The following MRE11 variants were observed in gnomAD, a reference collection of about 807,000 sequenced individuals.
MRE11 encodes the protein MRE11 double strand break repair nuclease, also known as double-strand break repair protein MRE11.
Under a neutral mutation model 91.7 loss-of-function variants are expected in MRE11, and 62 were observed. That is an observed-to-expected ratio of 0.68 (90% CI 0.55 to 0.84). The LOEUF (loss-of-function observed/expected upper bound fraction) is 0.84. MRE11 is among the 40% of genes least tolerant of loss of function. The pLI, the probability that MRE11 is intolerant of heterozygous loss-of-function variation, is 0.00. For missense variants in MRE11, 796 were observed against 852.9 expected, an observed-to-expected ratio of 0.93 and a Z score of 0.83; for synonymous variants, 273 against 271.4, an observed-to-expected ratio of 1.01 and a Z score of -0.06.
At chr11:94,455,311 A>T (rs1246468992) in intron 14 of MRE11, among the ~76,000 whole-genome samples, 1 of 152,098 alleles carries the variant, frequency 6.6e-6, no homozygotes, top group Non-Finnish European at 1.5e-5. Context: ...CCTTACACAA[A>T]TGTCTCTTAT....
intron 1 of MRE11, chr11:94,493,567 A>C (rs1947351504): frequency 6.6e-6 from 1 of 151,982 alleles, no homozygotes; most frequent in Non-Finnish European, 1.5e-5. Context: ...CAGAACGCTG[A>C]GCCCGCCAGG....
chr11:94,457,163 CA>C (rs1193898555), intron 13 of MRE11, among the ~76,000 whole-genome samples: 2 of 152,136 alleles, frequency 1.3e-5, no homozygotes. Context: ...AGGAAGATAA[CA>C]AGAGTCTGGT....
rs1405978120 is a variant in MRE11, at chr11:94,419,955, G to A, written c.*170C>T. ...ACAAAGCTCTTACTACAACAACCAG[G>A]TTAAAAAAACAAGGTGAATCAATGC... On this transcript the variant is annotated 3_prime_UTR_variant, in exon 20 of 20. Transcript: ENST00000323929. 1.4e-4 allele frequency: 69 copies of A among 509,964 alleles called. No homozygotes were observed. In the East Asian group the frequency reaches 2.1e-3, roughly 16 times the overall value. 31.6% of individuals were successfully genotyped at this position (509,964 alleles called of 1,614,324 possible).
chr11:94,499,717 C>G, the MRE11 span: 1 of 151,866 alleles, frequency 6.6e-6, no homozygotes, highest in Non-Finnish European at 1.5e-5. Context: ...ATCTAGCCCC[C>G]CTGTGATTGT....
At chr11:94,472,350 G>A (rs117715633) in intron 7 of MRE11, among the ~76,000 whole-genome samples, 72 of 152,172 alleles carry the variant, frequency 4.7e-4, no homozygotes, top group Non-Finnish European at 9.1e-4. Context: ...AGAAGGAATA[G>A]TTTTCCCTAA....
At chr11:94,436,534 T>C (rs1565206062) in intron 17 of MRE11, among the ~76,000 whole-genome samples, 2 of 152,188 alleles carry the variant, frequency 1.3e-5, no homozygotes, top group South Asian at 2.1e-4. Context: ...CTACAATGCA[T>C]AGGACAACCC....
intron 7 of MRE11, 22 bp from the exon 8 acceptor site, chr11:94,471,781 T>G (rs772088236): frequency 2.7e-5 from 43 of 1,585,552 alleles, no homozygotes; most frequent in Middle Eastern, 3.5e-4. Flanking sequence ...TTTTGAAAAA[T>G]ATAAATTCGG....
At chr11:94,449,515 G>A (rs542614902) in intron 14 of MRE11, among the ~76,000 whole-genome samples, 32 of 152,318 alleles carry the variant, frequency 2.1e-4, no homozygotes, top group African/African-American at 6.3e-4. Flanking sequence ...TGAATTGCCT[G>A]ACACACATAT....
intron 9 of MRE11, among the ~76,000 whole-genome samples, chr11:94,469,108 C>T (rs1200981142): frequency 6.6e-6 from 1 of 151,926 alleles, no homozygotes; most frequent in African/African-American, 2.4e-5. Context: ...GTTATGTGCA[C>T]ACCTGGTGTT....
At chr11:94,466,411 C>T (rs1011360107) in intron 10 of MRE11, 10 of 489,184 alleles carry the variant, frequency 2.0e-5, no homozygotes, top group African/African-American at 9.9e-5. Context: ...ACTATGCCAG[C>T]GACAGTGGGA....
At position 94,485,489 on chromosome 11, in the gene MRE11, A is replaced by G. The variant is rs202080976; in HGVS notation, c.314+435T>C. ...ATTAGAATATATAAGTAACTTCTGC[A>G]ATTCAGGTAGAAAAACAAACAAAAA... On this transcript the variant is annotated intron_variant, in intron 4 of 19. Transcript: ENST00000323929. Among the ~76,000 whole-genome samples, 400 of 150,010 alleles carry G rather than the reference A, an allele frequency of 2.7e-3. 3 individuals carry two copies. Among genetic ancestry groups the G allele is most frequent in the Non-Finnish European group, 4.2e-3 (283 of 67,086 alleles).
chr11:94,464,533 C>A (rs575526208), intron 10 of MRE11, among the ~76,000 whole-genome samples: 2 of 152,256 alleles, frequency 1.3e-5, no homozygotes, highest in East Asian at 3.9e-4. Context: ...AGTCTAGGTA[C>A]CTACCAAGCA....
chr11:94,459,002 T>C (rs1353495271), intron 13 of MRE11, among the ~76,000 whole-genome samples: 1 of 152,364 alleles, frequency 6.6e-6, no homozygotes, highest in South Asian at 2.1e-4. Flanking sequence ...ATAATTTCTA[T>C]GTAGTCAAGT....
Position 94,490,844 on chromosome 11 carries a change from G to A in MRE11, c.142C>T (p.Gln48Ter). The A allele has an allele frequency of 6.2e-7, 1 of 1,613,594 alleles. No individual in the cohort carries two copies. Among genetic ancestry groups the A allele is most frequent in the South Asian group, 1.1e-5 (1 of 91,066 alleles). ...VTLDEILRLAQENEVDFILLG... is the reference protein window; with the variant it reads ...VTLDEILRLA ...CAAACCACACTCACTTCATTTTCCT[G>A]GGCAAGTCTTAAAATTTCATCGAGT... is the stretch of plus-strand genomic sequence containing the variant. The change falls in exon 3 of 20, where the codon CAG becomes TAG. Residue 48 changes from glutamine (Q) to a stop codon, truncating the protein, a stop_gained. Transcript: ENST00000323929. LOFTEE classifies it high-confidence loss of function.
At chr11:94,468,120 A>G (rs1946615241) in intron 9 of MRE11, among the ~76,000 whole-genome samples, 1 of 152,194 alleles carries the variant, frequency 6.6e-6, no homozygotes, top group African/African-American at 2.4e-5. Flanking sequence ...CTCTAAAATA[A>G]TTCTTTTAGA....
rs527627597 is a variant in MRE11 at position 94,473,982 on chromosome 11, T to C, written c.660-2223A>G. ...TTGTAGGGCTGGATTAGAATCAGTC[T>C]GAACTTATCATTGGTTTTTTAAGCA... On this transcript the variant is annotated intron_variant, in intron 7 of 19. Transcript: ENST00000323929. 3.3e-5 allele frequency among the ~76,000 whole-genome samples: 5 copies of C among 152,258 alleles called. No homozygotes were observed. In the South Asian group the frequency reaches 1.0e-3, roughly 32 times the overall value.
rs1945647499 is a variant in MRE11, at chr11:94,437,314, G to A, written c.1868-79C>T. On this transcript the variant is annotated intron_variant, in intron 16 of 19. Transcript: ENST00000323929. ...AAACTTGCATACTTCTTTAGCTAAA[G>A]ATTTTCTGAGTCCTATCTGCAAAAC... 6.6e-6 allele frequency: 9 copies of A among 1,356,008 alleles called. No individual in the cohort carries two copies. The South Asian group carries it at 1.0e-4, about 15-fold the overall frequency. 84.0% of individuals were successfully genotyped at this position (1,356,008 alleles called of 1,614,324 possible). A position where few individuals can be genotyped will look rare whatever the true frequency, so the allele number is the denominator to read the frequency against.
upstream of MRE11, chr11:94,493,853 C>T (rs1947363890): frequency 6.6e-6 from 1 of 152,216 alleles, no homozygotes; most frequent in Non-Finnish European, 1.5e-5. Context: ...CCGTTTCTCT[C>T]GCGACACTTC....
chr11:94,505,855 G>A, the MRE11 span, among the ~76,000 whole-genome samples: 6 of 152,186 alleles, frequency 3.9e-5, no homozygotes, highest in East Asian at 1.9e-4. Flanking sequence ...TTACCGTACC[G>A]TCTCTATGTT....
Sources: allele counts gnomAD v4.1 joint callset (sites outside exome capture counted in the v4.1 genomes callset), GRCh38; gene constraint gnomAD v4.1.1; transcripts MANE v1.5; gene names NCBI Gene and HGNC (gene_info 2026-07-23, HGNC 2026-07-21).